Variants in MAPK4 observed in about 807,000 individuals in gnomAD.
MAPK4 encodes Erk3-related.
A neutral mutation model predicts 47.7 loss-of-function variants in MAPK4; 22 were observed. The ratio of observed to expected loss-of-function variants is 0.46; its 90% CI spans 0.33 to 0.66. MAPK4 has a LOEUF of 0.66. Among genes scored for constraint, MAPK4 ranks in the 30% least tolerant of loss-of-function variants. MAPK4 has a pLI of 0.02. For missense variants in MAPK4, 736 were observed against 831.7 expected (o/e 0.88, Z 1.42); for synonymous variants, 390 against 365.7 (o/e 1.07, Z -0.76).
intron 1 of MAPK4, among the ~76,000 whole-genome samples, chr18:50,636,794 C>A (rs77525056): frequency 2.7e-3 from 406 of 152,288 alleles, no homozygotes; most frequent in African/African-American, 9.6e-3. Context: ...TACTCTTTTT[C>A]ACTTTGGACG....
intron 1 of MAPK4, among the ~76,000 whole-genome samples, chr18:50,604,002 C>G (rs778708113): frequency 2.6e-5 from 4 of 152,026 alleles, no homozygotes; most frequent in Non-Finnish European, 4.4e-5. Context: ...TTAGAACAAA[C>G]AAATTAGAAG....
chr18:50,679,632 G>A (rs1908470465), intron 2 of MAPK4, among the ~76,000 whole-genome samples: 3 of 150,820 alleles, frequency 2.0e-5, no homozygotes, highest in South Asian at 4.2e-4. Context: ...ATCTGCCTCC[G>A]GGAACCTGGA....
chr18:50,721,855 A>G, intron 3 of MAPK4, 83 bp from the exon 4 acceptor site: 1 of 1,441,746 alleles, frequency 6.9e-7, no homozygotes, highest in Non-Finnish European at 9.6e-7. Context: ...TGTCCCTCCC[A>G]GAACACCTGG....
intron 2 of MAPK4, among the ~76,000 whole-genome samples, chr18:50,702,849 A>G (rs1314162357): frequency 6.6e-6 from 1 of 152,172 alleles, no homozygotes; most frequent in Admixed American, 6.5e-5. Flanking sequence ...ACAGGGCCGG[A>G]CCTACTGGAA....
chr18:50,717,105 C>A (rs1910679973), intron 3 of MAPK4, among the ~76,000 whole-genome samples: 1 of 152,144 alleles, frequency 6.6e-6, no homozygotes, highest in South Asian at 2.1e-4. Flanking sequence ...TGATGTGACT[C>A]ACTTATCTAC....
intron 1 of MAPK4, among the ~76,000 whole-genome samples, chr18:50,655,391 T>C (rs920158291): frequency 1.2e-4 from 19 of 152,064 alleles, no homozygotes; most frequent in Non-Finnish European, 4.4e-5. Flanking sequence ...GGAGTGGTGC[T>C]GGGCATGAGA....
At chr18:50,624,115 T>G (rs1241270229) in intron 1 of MAPK4, among the ~76,000 whole-genome samples, 3 of 152,268 alleles carry the variant, frequency 2.0e-5, no homozygotes, top group African/African-American at 7.2e-5. Context: ...TTTACTTACC[T>G]TGGTATTTGT....
chr18:50,572,983 G>A (rs1304812002), intron 1 of MAPK4, among the ~76,000 whole-genome samples: 1 of 152,166 alleles, frequency 6.6e-6, no homozygotes, highest in Non-Finnish European at 1.5e-5. Flanking sequence ...CAGGTGTATA[G>A]CTGTCTATAC....
At chr18:50,698,103 T>C (rs926050346) in intron 2 of MAPK4, among the ~76,000 whole-genome samples, 2 of 152,232 alleles carry the variant, frequency 1.3e-5, no homozygotes, top group Non-Finnish European at 2.9e-5. Context: ...AGATTACATT[T>C]ATTGGCCCTG....
intron 3 of MAPK4, among the ~76,000 whole-genome samples, chr18:50,718,671 T>A (rs1035731585): frequency 3.3e-5 from 5 of 152,246 alleles, no homozygotes; most frequent in Non-Finnish European, 7.3e-5. Flanking sequence ...AGTCACTCTT[T>A]CATTCATGAT....
chr18:50,702,509 TATGA>T (rs1424370754), intron 2 of MAPK4, among the ~76,000 whole-genome samples: 2 of 152,246 alleles, frequency 1.3e-5, no homozygotes, highest in African/African-American at 4.8e-5. Context: ...ATGTTATTTT[TATGA>T]ATGGTGTGGT....
At chr18:50,696,040 C>T (rs1469607436) in intron 2 of MAPK4, among the ~76,000 whole-genome samples, 1 of 151,716 alleles carries the variant, frequency 6.6e-6, no homozygotes, top group Non-Finnish European at 1.5e-5. Flanking sequence ...AAGGGATCCT[C>T]ATCTGGGAGG....
At chr18:50,716,750 C>T (rs561966684) in intron 3 of MAPK4, among the ~76,000 whole-genome samples, 1 of 152,294 alleles carries the variant, frequency 6.6e-6, no homozygotes, top group East Asian at 1.9e-4. Context: ...CTGTCTTGGC[C>T]TCAGCCTCCC....
intron 1 of MAPK4, among the ~76,000 whole-genome samples, chr18:50,566,907 G>T (rs2042203590): frequency 6.6e-6 from 1 of 152,112 alleles, no homozygotes; most frequent in South Asian, 2.1e-4. Flanking sequence ...TATTTTTAGT[G>T]TGTTTTTCAG....
Position 50,600,386 on chromosome 18 carries a change from C to T in MAPK4, c.-871+40143C>T, listed in dbSNP as rs566842888. On this transcript the variant is annotated intron_variant, in intron 1 of 5. Coordinates refer to ENST00000400384, the MANE Select transcript of MAPK4 (RefSeq NM_002747.4). ...GCAGGTCTGATTGGTTGAAGGCATT[C>T]CTCCTCCTCATTCATGATTAGCCTC... Among the ~76,000 whole-genome samples the T allele has an allele frequency of 2.0e-4, 30 of 152,310 alleles. No homozygotes were observed. The South Asian group carries it at 5.6e-3, about 28-fold the overall frequency.
At chr18:50,647,440 T>C (rs1334911504) in intron 1 of MAPK4, among the ~76,000 whole-genome samples, 1 of 152,158 alleles carries the variant, frequency 6.6e-6, no homozygotes, top group African/African-American at 2.4e-5. Flanking sequence ...AGTGCGATGA[T>C]CTGAAAGCCT....
At chr18:50,599,607 C>T (rs1477188724) in intron 1 of MAPK4, among the ~76,000 whole-genome samples, 2 of 151,904 alleles carry the variant, frequency 1.3e-5, no homozygotes, top group African/African-American at 2.4e-5. Context: ...TTAGTAGAGG[C>T]GGGGTTTTGC....
chr18:50,633,210 C>T (rs991788089), intron 1 of MAPK4, among the ~76,000 whole-genome samples: 1 of 152,206 alleles, frequency 6.6e-6, no homozygotes, highest in Non-Finnish European at 1.5e-5. Flanking sequence ...GACACAAGGT[C>T]TTCTCGTGGA....
At chr18:50,574,063 G>T (rs966102784) in intron 1 of MAPK4, among the ~76,000 whole-genome samples, 7 of 152,242 alleles carry the variant, frequency 4.6e-5, no homozygotes, top group Non-Finnish European at 7.4e-5. Context: ...CTGGTAAAAA[G>T]AATTTTGCTC....
Sources: gnomAD v4.1 joint callset for allele counts (sites outside exome capture counted in the v4.1 genomes callset) on GRCh38, gnomAD v4.1.1 for gene constraint, MANE v1.5 for transcripts, NCBI Gene and HGNC (gene_info 2026-07-23, HGNC 2026-07-21) for gene names.